The following ALPK1 variants were observed in gnomAD, a reference collection of about 807,000 sequenced individuals.
The protein encoded by ALPK1 is alpha-protein kinase 1.
Under a neutral mutation model 120.6 loss-of-function variants are expected in ALPK1, and 110 were observed. The observed-to-expected ratio is 0.91, with a 90% CI of 0.78 to 1.07. The LOEUF (loss-of-function observed/expected upper bound fraction) is 1.07, where lower values mean the gene tolerates loss of function less well. Among genes scored for constraint, ALPK1 ranks in the 50% least tolerant of loss-of-function variants. The pLI is 0.00. For synonymous variants in ALPK1, 582 were observed against 560.3 expected, an observed-to-expected ratio of 1.04 and a Z score of -0.55; for missense variants, 1,498 against 1,483.9, an observed-to-expected ratio of 1.01 and a Z score of -0.16.
chr4:112,350,873 G>C (rs1437779885), intron 2 of ALPK1, among the ~76,000 whole-genome samples: 1 of 152,134 alleles, frequency 6.6e-6, no homozygotes, highest in African/African-American at 2.4e-5. Flanking sequence ...CTGCCTCCTA[G>C]TATCATGATA....
intron 2 of ALPK1, among the ~76,000 whole-genome samples, chr4:112,373,620 A>G (rs1731517417): frequency 6.6e-6 from 1 of 152,176 alleles, no homozygotes; most frequent in Non-Finnish European, 1.5e-5. Context: ...AGCCGGGTGC[A>G]GTGGTGCGTA....
At chr4:112,322,247 A>G (rs1728894783) in intron 2 of ALPK1, among the ~76,000 whole-genome samples, 1 of 152,220 alleles carries the variant, frequency 6.6e-6, no homozygotes, top group South Asian at 2.1e-4. Context: ...GAGATATTCT[A>G]AAAATTTTAC....
chr4:112,338,376 T>G (rs370421993), intron 2 of ALPK1, among the ~76,000 whole-genome samples: 1 of 152,308 alleles, frequency 6.6e-6, no homozygotes, highest in East Asian at 1.9e-4. Flanking sequence ...GCATAGAGTT[T>G]TTTTCTATAC....
rs115922376 is a variant in ALPK1 at position 112,437,485 on chromosome 4, T to C, written c.3189-999T>C. Among the ~76,000 whole-genome samples, 1,073 of 152,320 alleles carry C rather than the reference T, an allele frequency of 7.0e-3. 23 individuals are homozygous for C. Among genetic ancestry groups the C allele is most frequent in the African/African-American group, 0.024 (988 of 41,576 alleles). Reference sequence around the variant, plus strand: ...CAGGAAATGCTCCAGTAGCCAGTACTCACAGGTTCACTCTCTTGTGCACAC... The same window carrying C: ...CAGGAAATGCTCCAGTAGCCAGTACCCACAGGTTCACTCTCTTGTGCACAC... On this transcript the variant is annotated intron_variant, in intron 12 of 15. Transcript: ENST00000650871.
At chr4:112,358,983 G>A in intron 2 of ALPK1, 1 of 768,044 alleles carries the variant, frequency 1.3e-6, no homozygotes, top group Non-Finnish European at 2.4e-6. Context: ...GCAGTTTGAG[G>A]AGGTCTGTAT....
At chr4:112,358,685 G>A in intron 2 of ALPK1, 2 of 732,112 alleles carry the variant, frequency 2.7e-6, no homozygotes, top group South Asian at 1.4e-5. Flanking sequence ...CATCTAAGAG[G>A]CTGGCAGAGG....
At chr4:112,396,589 A>G (rs993638219) in intron 4 of ALPK1, among the ~76,000 whole-genome samples, 5 of 152,188 alleles carry the variant, frequency 3.3e-5, no homozygotes, top group African/African-American at 1.2e-4. Context: ...TTTCTCATTA[A>G]TAAATTTAAA....
chr4:112,327,583 G>C (rs1206389681), intron 2 of ALPK1, among the ~76,000 whole-genome samples: 1 of 152,064 alleles, frequency 6.6e-6, no homozygotes, highest in Non-Finnish European at 1.5e-5. Flanking sequence ...CTACAGGCGT[G>C]CACAACCGAG....
At chr4:112,303,091 T>C (rs768543221) in intron 1 of ALPK1, among the ~76,000 whole-genome samples, 1 of 152,238 alleles carries the variant, frequency 6.6e-6, no homozygotes, top group Non-Finnish European at 1.5e-5. Flanking sequence ...TCTGATCTTC[T>C]GATCTTCCTC....
In ALPK1 at chr4:112,439,720, G is replaced by A. The variant is rs1256185995; in HGVS notation, c.3386G>A (p.Ser1129Asn). ...GACAAGACAATAAAGGGATGTATCA[G>A]TGTGGAGCCTTACATACTGGGAGAA... ...LEDKTIKGCI[S>N]VEPYILGEFV... The change falls in exon 14 of 16, where the codon AGT becomes AAT. Residue 1129 changes from serine to asparagine, a missense_variant. Coordinates refer to ENST00000650871, the MANE Select transcript of ALPK1 (RefSeq NM_025144.4). The A allele has an allele frequency of 1.2e-6, 2 of 1,612,344 alleles. No individual in the cohort carries two copies. Among genetic ancestry groups the A allele is most frequent in the Non-Finnish European group, 1.7e-6 (2 of 1,179,366 alleles).
At chr4:112,365,541 G>C (rs568363978) in intron 2 of ALPK1, among the ~76,000 whole-genome samples, 1 of 152,234 alleles carries the variant, frequency 6.6e-6, no homozygotes, top group East Asian at 1.9e-4. Flanking sequence ...ACAAAACACT[G>C]CTGAAAGAAA....
chr4:112,417,213 ATACACAC>A (rs1241726729), intron 5 of ALPK1, among the ~76,000 whole-genome samples: 1 of 152,236 alleles, frequency 6.6e-6, no homozygotes, highest in Non-Finnish European at 1.5e-5. Context: ...ACACACTCAC[ATACACAC>A]TAAAGGATGC....
At chr4:112,383,942 G>A (rs1199726022) in intron 4 of ALPK1, 2 of 152,160 alleles carry the variant, frequency 1.3e-5, no homozygotes, top group African/African-American at 2.4e-5. Context: ...TGCCTATTTT[G>A]TAATAAGGTA....
intron 2 of ALPK1, among the ~76,000 whole-genome samples, chr4:112,317,767 G>A (rs566878913): frequency 1.8e-4 from 27 of 152,120 alleles, no homozygotes; most frequent in African/African-American, 5.3e-4. Flanking sequence ...AGTGGTTTTC[G>A]ATGATTTTTT....
At chr4:112,407,706 C>T (rs1414015584) in intron 4 of ALPK1, among the ~76,000 whole-genome samples, 1 of 152,088 alleles carries the variant, frequency 6.6e-6, no homozygotes, top group Non-Finnish European at 1.5e-5. Context: ...ACCATTATTC[C>T]CTGTGAGGAA....
chr4:112,422,682 T>C (rs1560680962), intron 5 of ALPK1, among the ~76,000 whole-genome samples: 1 of 152,246 alleles, frequency 6.6e-6, no homozygotes, highest in Non-Finnish European at 1.5e-5. Flanking sequence ...TCTCATAATT[T>C]GTAGTTTGGG....
chr4:112,364,530 A>C (rs1344752316), intron 2 of ALPK1, among the ~76,000 whole-genome samples: 1 of 152,162 alleles, frequency 6.6e-6, no homozygotes, highest in East Asian at 1.9e-4. Flanking sequence ...AGAAACTCTG[A>C]AAAGACCAAT....
At chr4:112,426,069 T>C (rs1208711437) in intron 7 of ALPK1, 1 of 226,202 alleles carries the variant, frequency 4.4e-6, no homozygotes, top group East Asian at 1.0e-4. Flanking sequence ...CCTTATACTA[T>C]ACCCACCGTG....
At chr4:112,347,742 T>A (rs1730161504) in intron 2 of ALPK1, among the ~76,000 whole-genome samples, 1 of 152,346 alleles carries the variant, frequency 6.6e-6, no homozygotes, top group African/African-American at 2.4e-5. Flanking sequence ...ACAGATACAG[T>A]GCATCTTATT....
Sources: gnomAD v4.1 joint callset for allele counts (sites outside exome capture counted in the v4.1 genomes callset) on GRCh38, gnomAD v4.1.1 for gene constraint, MANE v1.5 for transcripts, NCBI Gene and HGNC (gene_info 2026-07-23, HGNC 2026-07-21) for gene names.